The following PLEKHM3 variants were observed in gnomAD, a reference collection of about 807,000 sequenced individuals.
The protein encoded by PLEKHM3 is pleckstrin homology domain-containing family M member 3.
In PLEKHM3, 45 loss-of-function variants were observed where a neutral mutation model predicts 81.8. The observed-to-expected ratio is 0.55, with a 90% CI of 0.43 to 0.71. PLEKHM3 has a LOEUF of 0.71. Among genes scored for constraint, PLEKHM3 ranks in the 30% least tolerant of loss-of-function variants. PLEKHM3 has a pLI of 0.00. For synonymous variants in PLEKHM3, 352 were observed against 356.4 expected, an observed-to-expected ratio of 0.99 and a Z score of 0.14; for missense variants, 788 against 924.3, an observed-to-expected ratio of 0.85 and a Z score of 1.91.
chr2:207,927,202 C>T (rs183055808), intron 5 of PLEKHM3, among the ~76,000 whole-genome samples: 8 of 152,288 alleles, frequency 5.3e-5, no homozygotes, highest in African/African-American at 1.9e-4. Flanking sequence ...TTTAAACTCC[C>T]CCACTTTAGA....
chr2:207,913,367 G>A (rs1460479439), intron 5 of PLEKHM3, among the ~76,000 whole-genome samples: 3 of 152,114 alleles, frequency 2.0e-5, no homozygotes, highest in Admixed American at 2.0e-4. Flanking sequence ...TAATATTTAG[G>A]AGTAGATAAA....
intron 3 of PLEKHM3, among the ~76,000 whole-genome samples, chr2:207,966,603 A>G (rs985143381): frequency 2.6e-5 from 4 of 152,032 alleles, no homozygotes; most frequent in African/African-American, 9.7e-5. Flanking sequence ...CCCAGGCTGG[A>G]GTACAGTGGC....
At chr2:207,860,151 CTGTGTG>C (rs55739776) in intron 7 of PLEKHM3, among the ~76,000 whole-genome samples, 8,497 of 110,648 alleles carry the variant, frequency 0.077, 291 homozygotes, top group African/African-American at 0.12. Flanking sequence ...AACTCTGCCT[CTGTGTG>C]TGTGTGTGTG....
intron 2 of PLEKHM3, among the ~76,000 whole-genome samples, chr2:207,990,412 T>C (rs891301114): frequency 6.6e-6 from 1 of 152,204 alleles, no homozygotes; most frequent in Non-Finnish European, 1.5e-5. Flanking sequence ...CTTTCCTCAA[T>C]GAAGACTCCT....
Position 207,977,781 on chromosome 2 carries a change from G to A in PLEKHM3, c.611-195C>T, listed in dbSNP as rs544865115. ...GGCAAGAAATAGCCGGGGAAATCTC[G>A]AGTCTAAAAACTGTAACTAGGAGGC... On this transcript the variant is annotated intron_variant, in intron 2 of 7. Coordinates refer to ENST00000427836, the MANE Select transcript of PLEKHM3 (RefSeq NM_001080475.3). Among the ~76,000 whole-genome samples the A allele has an allele frequency of 7.2e-5, 11 of 152,212 alleles. No homozygotes were observed. In the South Asian group the frequency reaches 1.0e-3, roughly 14 times the overall value.
chr2:208,007,058 G>A (rs2106104437), intron 1 of PLEKHM3, among the ~76,000 whole-genome samples: 1 of 152,276 alleles, frequency 6.6e-6, no homozygotes, highest in South Asian at 2.1e-4. Flanking sequence ...CTCCTGAGCT[G>A]GACGGTAAAA....
intron 6 of PLEKHM3, among the ~76,000 whole-genome samples, chr2:207,861,688 A>G (rs2092468271): frequency 6.6e-6 from 1 of 152,166 alleles, no homozygotes. Context: ...TGATGAATTA[A>G]TGGGATAGTT....
intron 1 of PLEKHM3, among the ~76,000 whole-genome samples, chr2:208,010,130 G>A (rs137899611): frequency 1.3e-5 from 2 of 152,286 alleles, no homozygotes; most frequent in African/African-American, 4.8e-5. Flanking sequence ...TACAACACCA[G>A]TAATGAGATG....
chr2:207,969,622 T>C (rs1301425964), intron 3 of PLEKHM3, among the ~76,000 whole-genome samples: 2 of 152,232 alleles, frequency 1.3e-5, no homozygotes, highest in Non-Finnish European at 2.9e-5. Context: ...CAGAGTTAAA[T>C]TAGGGATTTA....
At chr2:207,897,905 A>G (rs1000925723) in intron 6 of PLEKHM3, among the ~76,000 whole-genome samples, 1 of 152,160 alleles carries the variant, frequency 6.6e-6, no homozygotes, top group African/African-American at 2.4e-5. Context: ...CTGCCACCTG[A>G]CCTTTGTCTT....
In PLEKHM3 at chr2:207,844,946, C is replaced by A. The variant is rs1218740601; in HGVS notation, c.2108+16159G>T. Among the ~76,000 whole-genome samples the A allele has an allele frequency of 3.3e-5, 5 of 152,148 alleles. No individual in the cohort carries two copies. The East Asian group carries it at 9.6e-4, about 29-fold the overall frequency. ...ATGGGCAGACTATTGCTAAGCTCCC[C>A]CTAGCTCTACAAAGGTTCGATGCTC... On this transcript the variant is annotated intron_variant, in intron 7 of 7. Transcript: ENST00000427836.
chr2:207,897,951 T>C (rs980027506), intron 6 of PLEKHM3, among the ~76,000 whole-genome samples: 4 of 152,206 alleles, frequency 2.6e-5, no homozygotes, highest in Non-Finnish European at 5.9e-5. Flanking sequence ...GCCCTGACCT[T>C]GCAAAGTGAC....
At position 207,856,201 on chromosome 2, in the gene PLEKHM3, G is replaced by C. The variant is rs972351416; in HGVS notation, c.2108+4904C>G. The stretch of plus-strand genomic sequence containing the variant: ...TAGTTTTAGATTAAGAGAAAAATTG[G>C]GCAGAGAGTTCCCATATTCCACCCC... On this transcript the variant is annotated intron_variant, in intron 7 of 7. Coordinates refer to ENST00000427836, the MANE Select transcript of PLEKHM3 (RefSeq NM_001080475.3). Among the ~76,000 whole-genome samples, 5 of 152,016 alleles carry C rather than the reference G, an allele frequency of 3.3e-5. No individual in the cohort carries two copies. In the South Asian group the frequency reaches 8.4e-4, roughly 25 times the overall value.
chr2:207,845,012 TTCTC>T (rs2092375190), intron 7 of PLEKHM3, among the ~76,000 whole-genome samples: 2 of 152,238 alleles, frequency 1.3e-5, no homozygotes, highest in Non-Finnish European at 2.9e-5. Context: ...GGCTGCACCT[TTCTC>T]TCTATTTTAA....
intron 3 of PLEKHM3, among the ~76,000 whole-genome samples, chr2:207,957,835 G>A (rs1396441017): frequency 6.6e-6 from 1 of 152,200 alleles, no homozygotes; most frequent in African/African-American, 2.4e-5. Context: ...TTGACCTTTG[G>A]TAGCACAGCG....
chr2:207,924,516 T>C (rs1689320952), intron 5 of PLEKHM3, among the ~76,000 whole-genome samples: 1 of 151,950 alleles, frequency 6.6e-6, no homozygotes, highest in Non-Finnish European at 1.5e-5. Flanking sequence ...GAAACCTGTC[T>C]CTACTAAAAA....
chr2:207,834,809 G>A (rs2092309410), intron 7 of PLEKHM3, among the ~76,000 whole-genome samples: 1 of 152,078 alleles, frequency 6.6e-6, no homozygotes, highest in Non-Finnish European at 1.5e-5. Flanking sequence ...CCTCTGGGCT[G>A]TTTCTCTGTG....
Position 208,001,288 on chromosome 2 carries a change from T to A in PLEKHM3, c.352A>T (p.Asn118Tyr). 6.2e-7 allele frequency: 1 copy of A among 1,614,180 alleles called. No individual in the cohort carries two copies. Reference sequence around the variant, plus strand: ...CGACGCTGACAGATATTGAAGAAATTAAAGGTTGATGCTTCCTTTTGTTCC... The same window carrying A: ...CGACGCTGACAGATATTGAAGAAATAAAAGGTTGATGCTTCCTTTTGTTCC... ...WMEQKEASTF[N>Y]FFNICQRRRD... The change falls in exon 2 of 8, where the codon AAT becomes TAT. Residue 118 changes from asparagine to tyrosine, a missense_variant. Asn to Tyr is a moderately radical substitution (Grantham distance 143). Coordinates refer to ENST00000427836, the MANE Select transcript of PLEKHM3 (RefSeq NM_001080475.3).
chr2:207,965,656 T>C (rs561861344), intron 3 of PLEKHM3, among the ~76,000 whole-genome samples: 3 of 152,336 alleles, frequency 2.0e-5, no homozygotes, highest in South Asian at 4.1e-4. Flanking sequence ...TTATATAACA[T>C]TCTTCTTCCA....
Sources: allele counts gnomAD v4.1 joint callset (sites outside exome capture counted in the v4.1 genomes callset), GRCh38; gene constraint gnomAD v4.1.1; transcripts MANE v1.5; gene names NCBI Gene and HGNC (gene_info 2026-07-23, HGNC 2026-07-21).